MYO1B: variants seen among roughly 807,000 people sequenced by gnomAD.
MYO1B encodes the protein myosin IB, also known as unconventional myosin-Ib.
A neutral mutation model predicts 159.7 loss-of-function variants in MYO1B; 72 were observed. That is an observed-to-expected ratio of 0.45 (90% confidence interval 0.37 to 0.55). The LOEUF (loss-of-function observed/expected upper bound fraction) is 0.55, where lower values mean the gene tolerates loss of function less well. Ranked by LOEUF, MYO1B falls within the 20% of genes least tolerant of loss-of-function variation. The pLI, the probability that MYO1B is intolerant of heterozygous loss-of-function variation, is 0.00. For missense variants in MYO1B, 1,062 were observed against 1,364.8 expected (o/e 0.78, Z 3.50); for synonymous variants, 468 against 473.8 (o/e 0.99, Z 0.16).
At position 191,296,183 on chromosome 2, in the gene MYO1B, G is replaced by A; in HGVS notation, c.208G>A (p.Glu70Lys). 1 of 1,610,052 alleles carries A rather than the reference G, an allele frequency of 6.2e-7. No individual in the cohort carries two copies. Among genetic ancestry groups the A allele is most frequent in the Non-Finnish European group, 8.5e-7 (1 of 1,177,218 alleles). Reference protein sequence around the residue: ...SLPIYSPEKVEEYRNRNFYEL... With the variant: ...SLPIYSPEKVKEYRNRNFYEL... ...ACCCATTTATTCACCAGAGAAAGTG[G>A]AAGAATACAGGAACAGAAATTTTTA... Residue 70 changes from glutamate (E) to lysine (K), a missense_variant, in exon 3 of 31, where the codon GAA (glutamate) becomes AAA (lysine). Around this residue, in one of 5 missense-constraint regions of MYO1B, gnomAD observed 415 missense variants for 544.0 expected, o/e 0.76. Coordinates refer to ENST00000392318, the MANE Select transcript of MYO1B (RefSeq NM_001130158.3).
At chr2:191,373,403 A>G (rs1004958401) in intron 13 of MYO1B, among the ~76,000 whole-genome samples, 7 of 152,190 alleles carry the variant, frequency 4.6e-5, no homozygotes, top group African/African-American at 1.7e-4. Flanking sequence ...TAGTCTCTGG[A>G]GTAAACTGCA....
intron 1 of MYO1B, among the ~76,000 whole-genome samples, chr2:191,271,135 TCATG>T (rs1405578505): frequency 6.6e-6 from 1 of 152,216 alleles, no homozygotes; most frequent in African/African-American, 2.4e-5. Context: ...AAAGGTGCTG[TCATG>T]CATACATGAC....
At position 191,249,924 on chromosome 2, in the gene MYO1B, C is replaced by G. The variant is rs143487567; in HGVS notation, c.-10+4298C>G. Among the ~76,000 whole-genome samples the G allele has an allele frequency of 2.0e-3, 307 of 152,264 alleles. 1 individual carries two copies. The highest frequency in any genetic ancestry group is 7.1e-3 in the African/African-American group (295 of 41,550). ...TAACAGGTGAGCACCTTCCAACTTA[C>G]CATAAGCAGCATAGAGGAGGAAAAA... On this transcript the variant is annotated intron_variant, in intron 1 of 30. Coordinates refer to ENST00000392318, the MANE Select transcript of MYO1B (RefSeq NM_001130158.3).
chr2:191,368,585 A>G (rs1490329669), intron 11 of MYO1B, among the ~76,000 whole-genome samples: 1 of 152,178 alleles, frequency 6.6e-6, no homozygotes. Context: ...AGTAGTTCTG[A>G]ATAACTTTAA....
intron 4 of MYO1B, among the ~76,000 whole-genome samples, chr2:191,340,037 G>T (rs930034955): frequency 3.2e-4 from 48 of 152,258 alleles, no homozygotes; most frequent in African/African-American, 1.1e-3. Context: ...GACAGTGGCA[G>T]TAGAGCAAAG....
chr2:191,344,243 C>G (rs1263664079), intron 5 of MYO1B, among the ~76,000 whole-genome samples: 1 of 152,208 alleles, frequency 6.6e-6, no homozygotes, highest in African/African-American at 2.4e-5. Context: ...TTCATGATAA[C>G]TAGGTCAATA....
At chr2:191,311,874 C>G (rs997910714) in intron 3 of MYO1B, among the ~76,000 whole-genome samples, 2 of 152,190 alleles carry the variant, frequency 1.3e-5, no homozygotes, top group South Asian at 2.1e-4. Context: ...AGTGTGGAAA[C>G]ATGTGCATGG....
At chr2:191,321,522 A>G (rs573993001) in intron 3 of MYO1B, among the ~76,000 whole-genome samples, 4 of 152,336 alleles carry the variant, frequency 2.6e-5, no homozygotes, top group East Asian at 1.9e-4. Context: ...TTGTTAAAAG[A>G]GATAGTAAAA....
intron 1 of MYO1B, among the ~76,000 whole-genome samples, chr2:191,265,112 A>G (rs182577199): frequency 6.6e-6 from 1 of 152,158 alleles, no homozygotes; most frequent in Admixed American, 6.5e-5. Flanking sequence ...TAACCTACAA[A>G]CAAGAATAGT....
At chr2:191,404,649 A>T (rs1035596682) in intron 24 of MYO1B, among the ~76,000 whole-genome samples, 2 of 152,236 alleles carry the variant, frequency 1.3e-5, no homozygotes, top group South Asian at 2.1e-4. Context: ...AGTGAATATC[A>T]CAATAAAGTG....
chr2:191,284,799 A>G (rs981071695), intron 2 of MYO1B, among the ~76,000 whole-genome samples: 1 of 152,052 alleles, frequency 6.6e-6, no homozygotes, highest in Admixed American at 6.6e-5. Context: ...CACCTGGCTA[A>G]TTTTTTGTAC....
At chr2:191,313,373 G>T (rs1559160965) in intron 3 of MYO1B, among the ~76,000 whole-genome samples, 1 of 147,178 alleles carries the variant, frequency 6.8e-6, no homozygotes, top group Non-Finnish European at 1.5e-5. Context: ...ACCACGCCTG[G>T]CTAATTTTTT....
At chr2:191,307,403 GT>G (rs1689713403) in intron 3 of MYO1B, among the ~76,000 whole-genome samples, 1 of 152,166 alleles carries the variant, frequency 6.6e-6, no homozygotes, top group Non-Finnish European at 1.5e-5. Flanking sequence ...GTTTTGGTGT[GT>G]TTTAGCCAGC....
chr2:191,283,941 A>G (rs1415184986), intron 2 of MYO1B, among the ~76,000 whole-genome samples: 1 of 152,258 alleles, frequency 6.6e-6, no homozygotes, highest in Non-Finnish European at 1.5e-5. Flanking sequence ...GTGCAGTGAC[A>G]TGAACCAGCG....
rs527955805 is a variant in MYO1B, at chr2:191,420,882, T to C, written c.3288-2955T>C. On this transcript the variant is annotated intron_variant, in intron 30 of 30. Coordinates refer to ENST00000392318, the MANE Select transcript of MYO1B (RefSeq NM_001130158.3). ...TCTAACTGGTATGAATGCCATGAAA[T>C]AATACATTCCATGTTATTGTTTGTT... Among the ~76,000 whole-genome samples, 9 of 152,336 alleles carry C rather than the reference T, an allele frequency of 5.9e-5. No homozygotes were observed. The East Asian group carries it at 1.7e-3, about 29-fold the overall frequency.
chr2:191,396,819 C>G (rs1312599826), intron 21 of MYO1B, among the ~76,000 whole-genome samples: 1 of 152,178 alleles, frequency 6.6e-6, no homozygotes, highest in Non-Finnish European at 1.5e-5. Context: ...TATCTCACAG[C>G]CATTGCTTTC....
intron 30 of MYO1B, among the ~76,000 whole-genome samples, chr2:191,417,895 G>T (rs564726218): frequency 2.0e-5 from 3 of 152,182 alleles, no homozygotes; most frequent in Non-Finnish European, 4.4e-5. Context: ...GCTTGTGTTC[G>T]AAGGTGTGCC....
chr2:191,403,368 C>G (rs1244975366), intron 24 of MYO1B, among the ~76,000 whole-genome samples: 1 of 152,122 alleles, frequency 6.6e-6, no homozygotes, highest in African/African-American at 2.4e-5. Flanking sequence ...GTGTACAGAA[C>G]TACACATAAG....
chr2:191,257,090 T>G (rs1255023130), intron 1 of MYO1B, among the ~76,000 whole-genome samples: 1 of 152,148 alleles, frequency 6.6e-6, no homozygotes, highest in Non-Finnish European at 1.5e-5. Flanking sequence ...CTTCTTTACC[T>G]ACTGTCATGC....
Sources: gnomAD v4.1 joint callset for allele counts (sites outside exome capture counted in the v4.1 genomes callset) on GRCh38, gnomAD v4.1.1 for gene constraint, gnomAD v4.1.1 regional missense constraint, MANE v1.5 for transcripts, NCBI Gene and HGNC (gene_info 2026-07-23, HGNC 2026-07-21) for gene names.